GZF1: variants seen among roughly 807,000 people sequenced by gnomAD.
GZF1 encodes the protein GDNF-inducible zinc finger protein 1.
A neutral mutation model predicts 49.4 loss-of-function variants in GZF1; 28 were observed. The ratio of observed to expected loss-of-function variants is 0.57; its 90% CI spans 0.42 to 0.78. The LOEUF (loss-of-function observed/expected upper bound fraction) is 0.78, where lower values mean the gene tolerates loss of function less well. GZF1 is among the 30% of genes least tolerant of loss of function. GZF1 has a pLI of 0.00. For missense variants in GZF1, 798 were observed against 916.2 expected, an observed-to-expected ratio of 0.87 and a Z score of 1.67; for synonymous variants, 364 against 356.0, an observed-to-expected ratio of 1.02 and a Z score of -0.25.
At chr20:23,363,331 C>T (rs897579854) in intron 1 of GZF1, 4 of 152,436 alleles carry the variant, frequency 2.6e-5, no homozygotes, top group African/African-American at 9.7e-5. Context: ...GATTCAGGAG[C>T]TGAAGGGCAG....
At chr20:23,365,895 A>G (rs1981306164) in intron 2 of GZF1, 148 bp downstream of exon 2, 2 of 1,322,406 alleles carry the variant, frequency 1.5e-6, no homozygotes, top group Admixed American at 3.1e-5. Flanking sequence ...TTCTCTGTCA[A>G]GGTACAGGGG....
At position 23,367,037 on chromosome 20, in the gene GZF1, G is replaced by C. The variant is rs1981481174; in HGVS notation, c.1399G>C (p.Glu467Gln). ...HTGEKPFVCD[E>Q]CGARFTQNHM... ...AGGGGAAAAACCTTTTGTCTGTGATGAATGTGGTGCAAGATTCACTCAGAA... is the reference window on the plus strand; with the variant it reads ...AGGGGAAAAACCTTTTGTCTGTGATCAATGTGGTGCAAGATTCACTCAGAA... Residue 467 changes from glutamate (E) to glutamine (Q), a missense_variant, in exon 3 of 6, where the codon GAA becomes CAA. By Grantham distance (29) the Glu-to-Gln change is conservative. Around this residue, in one of 3 missense-constraint regions of GZF1, gnomAD observed 446 missense variants for 540.1 expected, o/e 0.83. Coordinates refer to ENST00000338121, the MANE Select transcript of GZF1 (RefSeq NM_022482.5). 1.9e-6 allele frequency: 3 copies of C among 1,613,206 alleles called. No homozygotes were observed. The highest frequency in any genetic ancestry group is 2.7e-5 in the African/African-American group (2 of 74,924).
chr20:23,361,826 C>T (rs925042913), upstream of GZF1, among the ~76,000 whole-genome samples: 12 of 152,200 alleles, frequency 7.9e-5, no homozygotes, highest in African/African-American at 2.7e-4. Context: ...GCCTTGCGGC[C>T]AGAAGCCCGG....
chr20:23,368,894 G>T lies in GZF1; in HGVS notation c.1592G>T (p.Arg531Leu). ...CEVCFRTFAQ[R>L]NSLYQHIKVH... ...GTATGTTTCAGGACTTTTGCCCAGC[G>T]GAATTCACTGTACCAGCATATTAAA... Residue 531 changes from arginine to leucine, a missense_variant, in exon 4 of 6, where the codon CGG becomes CTG. Arg to Leu is a moderately radical substitution (Grantham distance 102, BLOSUM62 -2). Transcript: ENST00000338121. The T allele has an allele frequency of 4.3e-6, 7 of 1,613,674 alleles. No homozygotes were observed. The highest frequency in any genetic ancestry group is 5.9e-6 in the Non-Finnish European group (7 of 1,179,796).
rs749946221 is a variant in GZF1, at chr20:23,370,474, C to T, written c.*33C>T. On this transcript the variant is annotated 3_prime_UTR_variant, in exon 6 of 6. Transcript: ENST00000338121. Reference sequence around the variant, plus strand: ...AAGCAGTTCCCATCCTGTTAGTCTGCGTGTGTGGTAGCTGAACTCAAGATG... The same window carrying T: ...AAGCAGTTCCCATCCTGTTAGTCTGTGTGTGTGGTAGCTGAACTCAAGATG... The T allele has an allele frequency of 9.7e-6, 13 of 1,333,572 alleles. No individual in the cohort carries two copies. Among genetic ancestry groups the T allele is most frequent in the African/African-American group, 2.9e-5 (2 of 68,522 alleles). The allele number at this position is 1,333,572 out of a possible 1,614,324, so 82.6% of individuals were successfully genotyped here.
At chr20:23,366,220 GGACA>G (rs1293983407) in intron 2 of GZF1, among the ~76,000 whole-genome samples, 2 of 152,194 alleles carry the variant, frequency 1.3e-5, no homozygotes, top group African/African-American at 2.4e-5. Context: ...TCCAGAATCA[GGACA>G]GACAGTGCTT....
rs1981032401 is a variant in GZF1 at position 23,364,293 on chromosome 20, G to T, written c.-21-70G>T. ...GTCTATATCCTCTCAAGTACTGAAG[G>T]AATCCTCATAAATTTTAGTCCTTTT... On this transcript the variant is annotated intron_variant, in intron 1 of 5. Coordinates refer to ENST00000338121, the MANE Select transcript of GZF1 (RefSeq NM_022482.5). 6 of 844,554 alleles carry T rather than the reference G, an allele frequency of 7.1e-6. No homozygotes were observed. In the South Asian group the frequency reaches 8.3e-5, roughly 12 times the overall value. The allele number at this position is 844,554 out of a possible 1,614,324, so 52.3% of individuals were successfully genotyped here.
intron 3 of GZF1, 113 bp downstream of exon 3, chr20:23,367,210 T>C (rs1032973969): frequency 2.8e-5 from 20 of 711,730 alleles, no homozygotes; most frequent in Middle Eastern, 2.7e-4. Flanking sequence ...AGCCATGATA[T>C]AGCTTTTCCA....
Position 23,368,903 on chromosome 20 carries a change from T to G in GZF1, c.1601T>G (p.Leu534Arg), listed in dbSNP as rs761696331. The G allele has an allele frequency of 4.3e-6, 7 of 1,613,724 alleles. No homozygotes were observed. The highest frequency in any genetic ancestry group is 5.9e-6 in the Non-Finnish European group (7 of 1,179,804). ...AGGACTTTTGCCCAGCGGAATTCAC[T>G]GTACCAGCATATTAAAGTCCACACA... Reference protein sequence around the residue: ...CFRTFAQRNSLYQHIKVHTGE... With the variant: ...CFRTFAQRNSRYQHIKVHTGE... The change falls in exon 4 of 6, where the codon CTG becomes CGG. Residue 534 changes from leucine to arginine, a missense_variant. This residue lies in a region of GZF1 where 446 missense variants were observed against 540.1 expected (regional missense o/e 0.83). Coordinates refer to ENST00000338121, the MANE Select transcript of GZF1 (RefSeq NM_022482.5).
chr20:23,370,389 C>CACAG lies in GZF1; in HGVS notation c.2091_2094dup (p.Ser699ArgfsTer30). 1 of 1,613,992 alleles carries CACAG rather than the reference C, an allele frequency of 6.2e-7. No homozygotes were observed. Among genetic ancestry groups the CACAG allele is most frequent in the Non-Finnish European group, 8.5e-7 (1 of 1,179,888 alleles). The stretch of plus-strand genomic sequence containing the variant: ...ATCAGTGAGCTTAGCGAGCTGACCC[C>CACAG]ACAGACAGACTCGATGCCCACACAG... On this transcript the variant is annotated frameshift_variant, in exon 6 of 6. Coordinates refer to ENST00000338121, the MANE Select transcript of GZF1 (RefSeq NM_022482.5). LOFTEE classifies it high-confidence loss of function.
chr20:23,370,338 C>T lies in GZF1; in HGVS notation c.2033C>T (p.Ser678Phe), dbSNP rs989426296. The change falls in exon 6 of 6, where the codon TCC (serine) becomes TTC (phenylalanine). Residue 678 changes from serine (S) to phenylalanine (F), a missense_variant. Physicochemically the swap from Ser to Phe is radical, Grantham distance 155. Around this residue, in one of 3 missense-constraint regions of GZF1, gnomAD observed 446 missense variants for 540.1 expected, o/e 0.83. Coordinates refer to ENST00000338121, the MANE Select transcript of GZF1 (RefSeq NM_022482.5). ...TGCAAGGCAGATGACTCCGTGGTGT[C>T]CCAGGACACCCTCCTGGCCACCACC... ...TACKADDSVV[S>F]QDTLLATTIS... is the part of the protein sequence containing the mutation. 1 of 1,613,832 alleles carries T rather than the reference C, an allele frequency of 6.2e-7. No homozygotes were observed. The highest frequency in any genetic ancestry group is 1.3e-5 in the African/African-American group (1 of 74,912).
rs377379164 is a variant in GZF1 at position 23,364,644 on chromosome 20, T to C, written c.261T>C (p.Phe87=). ...TAAATGAAGTGCAGGTTGCTGACTTTGCTTCATTTCTTGAGTTTGTCTACA... is the reference window on the plus strand; with the variant it reads ...TAAATGAAGTGCAGGTTGCTGACTTCGCTTCATTTCTTGAGTTTGTCTACA... The part of the protein sequence containing the change: ...VYLNEVQVAD[F]ASFLEFVYTA... The change falls in exon 2 of 6, where the codon TTT becomes TTC. Residue 87 remains phenylalanine (F), a synonymous_variant. Coordinates refer to ENST00000338121, the MANE Select transcript of GZF1 (RefSeq NM_022482.5). 3.1e-6 allele frequency: 5 copies of C among 1,614,144 alleles called. No homozygotes were observed. In the African/African-American group the frequency reaches 5.3e-5, roughly 17 times the overall value.
At chr20:23,368,589 G>A (rs923737129) in intron 3 of GZF1, among the ~76,000 whole-genome samples, 173 bp from the exon 4 acceptor site, 3 of 152,194 alleles carry the variant, frequency 2.0e-5, no homozygotes, top group African/African-American at 7.2e-5. Context: ...CTTTCAGTAA[G>A]TAGCAAGCAT....
At chr20:23,368,291 A>T (rs1446957132) in intron 3 of GZF1, among the ~76,000 whole-genome samples, 1 of 152,230 alleles carries the variant, frequency 6.6e-6, no homozygotes, top group East Asian at 1.9e-4. Context: ...AACTACAAAA[A>T]GTGAGATATT....
chr20:23,371,851 T>G lies in GZF1; in HGVS notation c.*1410T>G, dbSNP rs530674348. 1 of 152,242 alleles carries G rather than the reference T, an allele frequency of 6.6e-6. No homozygotes were observed. The allele number at this position is 152,242 out of a possible 1,614,324, so 9.4% of individuals were successfully genotyped here. ...GGTACTTTAAGTTCCAGAATGAACA[T>G]GTAGCTGCACTATGCCAGAAATTAA... is the stretch of plus-strand genomic sequence containing the variant. On this transcript the variant is annotated 3_prime_UTR_variant, in exon 6 of 6. Coordinates refer to ENST00000338121, the MANE Select transcript of GZF1 (RefSeq NM_022482.5).
At position 23,365,486 on chromosome 20, in the gene GZF1, G is replaced by A. The variant is rs1394368889; in HGVS notation, c.1103G>A (p.Arg368His). The change falls in exon 2 of 6, where the codon CGC becomes CAC. Residue 368 changes from arginine to histidine, a missense_variant. By Grantham distance (29) the Arg-to-His change is conservative (BLOSUM62 0). Coordinates refer to ENST00000338121, the MANE Select transcript of GZF1 (RefSeq NM_022482.5). ...ANRCNLKSHQRHVHSSERHFP... is the reference protein window; with the variant it reads ...ANRCNLKSHQHHVHSSERHFP... ...CGCTGCAACCTGAAGAGCCACCAGC[G>A]CCACGTGCACAGCAGCGAGCGCCAT... 1 of 1,613,794 alleles carries A rather than the reference G, an allele frequency of 6.2e-7. No individual in the cohort carries two copies. Among genetic ancestry groups the A allele is most frequent in the Non-Finnish European group, 8.5e-7 (1 of 1,179,986 alleles).
intron 5 of GZF1, 53 bp downstream of exon 5, chr20:23,369,794 G>A (rs768790128): frequency 1.7e-4 from 257 of 1,552,852 alleles, no homozygotes; most frequent in Non-Finnish European, 2.1e-4. Flanking sequence ...TTAGATGCAC[G>A]GAAAGAGAAA....
rs770835698 is a variant in GZF1 at position 23,365,613 on chromosome 20, C to T, written c.1230C>T (p.Gly410=). The T allele has an allele frequency of 3.9e-5, 63 of 1,606,446 alleles. No homozygotes were observed. Among genetic ancestry groups the T allele is most frequent in the Non-Finnish European group, 5.3e-5 (62 of 1,179,442 alleles). ...GCGGCGGCGAGCGGCACCGCTGCGG[C>T]CAGTGCGGCAAGGGCCTGAGTTCCA... ...HEGGGERHRC[G]QCGKGLSSKT... Residue 410 remains glycine (G), a synonymous_variant, in exon 2 of 6, where the codon GGC becomes GGT. Coordinates refer to ENST00000338121, the MANE Select transcript of GZF1 (RefSeq NM_022482.5).
chr20:23,368,647 A>G (rs1662038028), intron 3 of GZF1, 115 bp from the exon 4 acceptor site: 1 of 550,418 alleles, frequency 1.8e-6, no homozygotes, highest in Admixed American at 3.8e-5. Flanking sequence ...AAAATGTAAC[A>G]TGCTGCCTAC....
Sources: gnomAD v4.1 joint callset for allele counts (sites outside exome capture counted in the v4.1 genomes callset) on GRCh38, gnomAD v4.1.1 for gene constraint, gnomAD v4.1.1 regional missense constraint, MANE v1.5 for transcripts, NCBI Gene and HGNC (gene_info 2026-07-23, HGNC 2026-07-21) for gene names.